Variants in ABTB3 observed in about 807,000 individuals in gnomAD.
The protein encoded by ABTB3 is ankyrin repeat- and BTB/POZ domain-containing protein 3.
At chr12:107,491,229 C>T in the ABTB3 span, among the ~76,000 whole-genome samples, 1 of 152,194 alleles carries the variant, frequency 6.6e-6, no homozygotes, top group African/African-American at 2.4e-5. Flanking sequence ...CTTGGCACCT[C>T]AGTTGTCCTG....
At chr12:107,481,581 A>C in the ABTB3 span, among the ~76,000 whole-genome samples, 1 of 152,152 alleles carries the variant, frequency 6.6e-6, no homozygotes. Context: ...ATGGAAGCCC[A>C]GGGAGGTGAA....
At chr12:107,496,456 A>G in the ABTB3 span, among the ~76,000 whole-genome samples, 3 of 152,274 alleles carry the variant, frequency 2.0e-5, no homozygotes, top group Non-Finnish European at 4.4e-5. Context: ...GCAAAATGAA[A>G]AGTCAGTTTT....
chr12:107,349,526 T>C, the ABTB3 span, among the ~76,000 whole-genome samples: 215 of 152,348 alleles, frequency 1.4e-3, no homozygotes, highest in African/African-American at 4.8e-3. Context: ...TGCCATGTAC[T>C]GTGTAATCTC....
chr12:107,615,064 G>T, the ABTB3 span: 1 of 1,612,254 alleles, frequency 6.2e-7, no homozygotes, highest in Non-Finnish European at 8.5e-7. Flanking sequence ...TTTATAGGTT[G>T]TCAGTACTCC....
At chr12:107,517,299 C>T in the ABTB3 span, among the ~76,000 whole-genome samples, 7 of 152,218 alleles carry the variant, frequency 4.6e-5, no homozygotes, top group East Asian at 1.9e-4. Flanking sequence ...AGTCAGGTAG[C>T]GTGATGCCTC....
chr12:107,328,009 T>C, the ABTB3 span, among the ~76,000 whole-genome samples: 1 of 152,100 alleles, frequency 6.6e-6, no homozygotes, highest in African/African-American at 2.4e-5. Flanking sequence ...GGTGTGTCAA[T>C]TCCTTCCGCA....
chr12:107,569,329 G>T, the ABTB3 span, among the ~76,000 whole-genome samples: 2 of 151,628 alleles, frequency 1.3e-5, no homozygotes, highest in African/African-American at 4.9e-5. Flanking sequence ...GAGAATTTTT[G>T]TAAGGATAAA....
At chr12:107,382,352 G>A in the ABTB3 span, among the ~76,000 whole-genome samples, 2 of 152,278 alleles carry the variant, frequency 1.3e-5, no homozygotes, top group East Asian at 3.9e-4. Context: ...GGGTTTGGGT[G>A]CAAAGCCACT....
At chr12:107,376,984 C>T in the ABTB3 span, among the ~76,000 whole-genome samples, 19 of 152,082 alleles carry the variant, frequency 1.2e-4, no homozygotes, top group African/African-American at 3.4e-4. Context: ...GAAGAAAAAG[C>T]GTCAGTGGCT....
At chr12:107,651,608 T>C in the ABTB3 span, 123 of 1,102,572 alleles carry the variant, frequency 1.1e-4, no homozygotes, top group Non-Finnish European at 1.6e-4. Flanking sequence ...ACCACTATAG[T>C]TCCTTATTGT....
chr12:107,554,077 CTACTA>C, the ABTB3 span, among the ~76,000 whole-genome samples: 1 of 152,322 alleles, frequency 6.6e-6, no homozygotes, highest in East Asian at 1.9e-4. Context: ...TGATGAGCGT[CTACTA>C]TGTGTCATGT....
the ABTB3 span, among the ~76,000 whole-genome samples, chr12:107,372,599 C>T: frequency 6.6e-6 from 1 of 152,158 alleles, no homozygotes; most frequent in African/African-American, 2.4e-5. Context: ...AACCATTCGC[C>T]TCTGTGCTCA....
At chr12:107,561,267 A>C in the ABTB3 span, among the ~76,000 whole-genome samples, 812 of 152,298 alleles carry the variant, frequency 5.3e-3, 13 homozygotes, top group African/African-American at 0.018. Flanking sequence ...AAAGGAAACT[A>C]GTAAAAGGAA....
chr12:107,426,599 C>T, the ABTB3 span, among the ~76,000 whole-genome samples: 37 of 152,286 alleles, frequency 2.4e-4, no homozygotes, highest in South Asian at 6.2e-3. Flanking sequence ...ATCTTGACCA[C>T]GTTTGGGTTT....
the ABTB3 span, among the ~76,000 whole-genome samples, chr12:107,352,803 C>G: frequency 1.3e-4 from 19 of 151,940 alleles, no homozygotes; most frequent in East Asian, 3.7e-3. Flanking sequence ...ATGGGGGGTA[C>G]CTGGGGAGGC....
At chr12:107,341,521 G>T in the ABTB3 span, among the ~76,000 whole-genome samples, 1 of 152,282 alleles carries the variant, frequency 6.6e-6, no homozygotes, top group African/African-American at 2.4e-5. Flanking sequence ...AGCTGTCAGT[G>T]GTTATCAGAC....
At chr12:107,486,735 C>CAAAAAAAAAAA in the ABTB3 span, 1 of 50,260 alleles carries the variant, frequency 2.0e-5, no homozygotes. Context: ...TCTTAATAGC[C>CAAAAAAAAAAA]AAAAAAAAAA....
chr12:107,621,566 TTAAAG>T, the ABTB3 span, among the ~76,000 whole-genome samples: 2 of 152,370 alleles, frequency 1.3e-5, no homozygotes, highest in Non-Finnish European at 1.5e-5. Context: ...CTGTGCGTTC[TTAAAG>T]TAAACTTTAC....
At chr12:107,642,052 G>A in the ABTB3 span, 7 of 1,583,414 alleles carry the variant, frequency 4.4e-6, no homozygotes, top group African/African-American at 8.1e-5. Flanking sequence ...GGATTTGTGT[G>A]TGAGTCTTTT....
Sources: allele counts gnomAD v4.1 joint callset (sites outside exome capture counted in the v4.1 genomes callset), GRCh38; gene constraint gnomAD v4.1.1; transcripts MANE v1.5; gene names NCBI Gene and HGNC (gene_info 2026-07-23, HGNC 2026-07-21).